The following BSN variants were observed in gnomAD, a reference collection of about 807,000 sequenced individuals.
BSN encodes the protein bassoon presynaptic cytomatrix protein.
Under a neutral mutation model 264.8 loss-of-function variants are expected in BSN, and 57 were observed. That is an observed-to-expected ratio of 0.22 (90% CI 0.17 to 0.27). The LOEUF is 0.27. Ranked by LOEUF, BSN falls within the 10% of genes least tolerant of loss-of-function variation. The pLI is 1.00. For missense variants in BSN, 4,615 were observed against 5,232.5 expected (o/e 0.88, Z 3.64); for synonymous variants, 2,059 against 2,137.3 (o/e 0.96, Z 1.01).
At chr3:49,570,388 C>A (rs1277408323) in intron 1 of BSN, among the ~76,000 whole-genome samples, 2 of 152,182 alleles carry the variant, frequency 1.3e-5, no homozygotes, top group Admixed American at 1.3e-4. Context: ...TCCGCCCCTT[C>A]CTCCCCAGCT....
At chr3:49,631,998 A>ATACG (rs1325248986) in intron 2 of BSN, among the ~76,000 whole-genome samples, 4 of 152,226 alleles carry the variant, frequency 2.6e-5, no homozygotes. Context: ...ATAGAGTAGA[A>ATACG]TACGTAGCCC....
chr3:49,651,577 C>A lies in BSN; in HGVS notation c.2021C>A (p.Ser674Tyr). 6.2e-7 allele frequency: 1 copy of A among 1,602,684 alleles called. No individual in the cohort carries two copies. The highest frequency in any genetic ancestry group is 8.5e-7 in the Non-Finnish European group (1 of 1,173,344). ...LVGKPYSQDA[S>Y]RSPQSLSDTG... Reference sequence around the variant, plus strand: ...GGCAAGCCTTACTCTCAGGATGCGTCTCGGAGCCCACAGAGCCTCAGTGAC... The same window carrying A: ...GGCAAGCCTTACTCTCAGGATGCGTATCGGAGCCCACAGAGCCTCAGTGAC... Residue 674 changes from serine to tyrosine, a missense_variant, in exon 5 of 12, where the codon TCT becomes TAT. Ser to Tyr is a moderately radical substitution (Grantham distance 144, BLOSUM62 -2). This residue lies in a region of BSN where 1,197 missense variants were observed against 1,348.0 expected (regional missense o/e 0.89). Coordinates refer to ENST00000296452, the MANE Select transcript of BSN (RefSeq NM_003458.4). The surrounding 1 kb of genome is among the most constrained non-coding windows in gnomAD (Gnocchi z 5.4).
At chr3:49,599,061 C>T (rs1239049460) in intron 1 of BSN, among the ~76,000 whole-genome samples, 1 of 152,132 alleles carries the variant, frequency 6.6e-6, no homozygotes, top group Non-Finnish European at 1.5e-5. Context: ...TAGAGTCTTC[C>T]AGGCAGCTAA....
In BSN at chr3:49,655,021, GCAC is replaced by G. The variant is rs2052584227; in HGVS notation, c.5467_5469del (p.Thr1823del). 6.2e-7 allele frequency: 1 copy of G among 1,613,084 alleles called. No individual in the cohort carries two copies. Among genetic ancestry groups the G allele is most frequent in the South Asian group, 1.1e-5 (1 of 91,086 alleles). ...AGAGACGTTTTGATCACTCAGATGG[GCAC>G]CGCCCAGAGCATTGGCCTCAAGCCA... On this transcript the variant is annotated inframe_deletion, in exon 5 of 12. Coordinates refer to ENST00000296452, the MANE Select transcript of BSN (RefSeq NM_003458.4).
intron 5 of BSN, among the ~76,000 whole-genome samples, chr3:49,659,471 G>A (rs2052635989): frequency 6.6e-6 from 1 of 152,182 alleles, no homozygotes; most frequent in Middle Eastern, 3.2e-3. Context: ...ATGACATATG[G>A]TGGATGTAGG....
rs1296867618 is a variant in BSN at position 49,651,241 on chromosome 3, G to C, written c.1986+162G>C. 3 of 744,484 alleles carry C rather than the reference G, an allele frequency of 4.0e-6. No homozygotes were observed. Among genetic ancestry groups the C allele is most frequent in the Non-Finnish European group, 6.3e-6 (3 of 475,016 alleles). 46.1% of individuals were successfully genotyped at this position (744,484 alleles called of 1,614,324 possible). A position where few individuals can be genotyped will look rare whatever the true frequency, so the allele number is the denominator to read the frequency against. ...GAAGGAAAGTCTAGATGAGGTTCTG[G>C]CACGCTTGGAGACTGTGGGTTTTAC... On this transcript the variant is annotated intron_variant, in intron 4 of 11. Transcript: ENST00000296452. The surrounding 1 kb of genome is among the most constrained non-coding windows in gnomAD (Gnocchi z 5.4).
intron 1 of BSN, among the ~76,000 whole-genome samples, chr3:49,589,263 C>T (rs1205681889): frequency 2.0e-5 from 3 of 151,634 alleles, no homozygotes; most frequent in African/African-American, 7.3e-5. Context: ...TATAGTGTTG[C>T]TCAAGTTTTT....
At position 49,650,877 on chromosome 3, in the gene BSN, C is replaced by G. The variant is rs1388954080; in HGVS notation, c.1784C>G (p.Ala595Gly). Residue 595 changes from alanine to glycine, a missense_variant, in exon 4 of 12, where the codon GCT (alanine) becomes GGT (glycine). Coordinates refer to ENST00000296452, the MANE Select transcript of BSN (RefSeq NM_003458.4). ...KASPQAKPLR[A>G]SEPSKTPSSV... ...AGCCCCCAGGCCAAGCCCCTCAGGG[C>G]TTCTGAACCCAGCAAGACCCCAAGC... 6.2e-7 allele frequency: 1 copy of G among 1,614,218 alleles called. No individual in the cohort carries two copies. The highest frequency in any genetic ancestry group is 1.1e-5 in the South Asian group (1 of 91,080).
At position 49,642,380 on chromosome 3, in the gene BSN, C is replaced by T; in HGVS notation, c.746C>T (p.Pro249Leu). The change falls in exon 3 of 12, where the codon CCT (proline) becomes CTT (leucine). Residue 249 changes from proline to leucine, a missense_variant. Pro to Leu is a moderately conservative substitution (Grantham distance 98, BLOSUM62 -3). Transcript: ENST00000296452. This position sits in a 1 kb window ranked among gnomAD's most constrained non-coding sequence, Gnocchi z 7.0. Reference sequence around the variant, plus strand: ...CAGCTGCACTCCCCAGCCCTGTCTCCTGCCCACTCCCCGGCCAAACAGCCC... The same window carrying T: ...CAGCTGCACTCCCCAGCCCTGTCTCTTGCCCACTCCCCGGCCAAACAGCCC... The part of the protein sequence containing the change: ...QQQLHSPALS[P>L]AHSPAKQPLG... 1 of 1,600,128 alleles carries T rather than the reference C, an allele frequency of 6.2e-7. No individual in the cohort carries two copies. Among genetic ancestry groups the T allele is most frequent in the Non-Finnish European group, 8.5e-7 (1 of 1,173,304 alleles).
chr3:49,654,528 C>T lies in BSN; in HGVS notation c.4972C>T (p.Pro1658Ser). 1 of 1,610,850 alleles carries T rather than the reference C, an allele frequency of 6.2e-7. No individual in the cohort carries two copies. The highest frequency in any genetic ancestry group is 8.5e-7 in the Non-Finnish European group (1 of 1,178,448). The change falls in exon 5 of 12, where the codon CCC becomes TCC. Residue 1658 changes from proline to serine, a missense_variant. Coordinates refer to ENST00000296452, the MANE Select transcript of BSN (RefSeq NM_003458.4). This position sits in a 1 kb window ranked among gnomAD's most constrained non-coding sequence, Gnocchi z 4.1. ...VPGTSRVEPG[P>S]RTPGTAVVDL... is the part of the protein sequence containing the mutation. The stretch of plus-strand genomic sequence containing the variant: ...TGGGACGTCTAGGGTTGAGCCAGGC[C>T]CCAGGACCCCTGGCACTGCAGTGGT...
intron 1 of BSN, among the ~76,000 whole-genome samples, chr3:49,565,113 T>A (rs952527560): frequency 6.8e-6 from 1 of 147,762 alleles, no homozygotes; most frequent in Non-Finnish European, 1.5e-5. Context: ...TCTATATTCC[T>A]CCACTTTTTT....
chr3:49,569,223 T>C (rs1332949181), intron 1 of BSN, among the ~76,000 whole-genome samples: 1 of 151,984 alleles, frequency 6.6e-6, no homozygotes, highest in Non-Finnish European at 1.5e-5. Context: ...CAAGTCTGGG[T>C]TGGAAAAATA....
intron 1 of BSN, among the ~76,000 whole-genome samples, chr3:49,562,020 C>T (rs911158223): frequency 6.6e-6 from 1 of 152,070 alleles, no homozygotes. Flanking sequence ...GTTAGCCAGG[C>T]TGGTCTTGAA....
chr3:49,646,421 A>C (rs1198144236), intron 3 of BSN, among the ~76,000 whole-genome samples: 4 of 152,166 alleles, frequency 2.6e-5, no homozygotes, highest in African/African-American at 9.7e-5. Flanking sequence ...TGCCCTTGAG[A>C]AGTCGGGCCT....
rs2051896655 is a variant in BSN at position 49,581,752 on chromosome 3, A to T, written c.224+26926A>T. ...GGCAGGAGAATTGCTTGAACCCAGG[A>T]GGCAGAGGTTGCAGTGAGCCGAAAT... On this transcript the variant is annotated intron_variant, in intron 1 of 11. Transcript: ENST00000296452. Among the ~76,000 whole-genome samples, 3 of 152,258 alleles carry T rather than the reference A, an allele frequency of 2.0e-5. No homozygotes were observed. The East Asian group carries it at 5.8e-4, about 29-fold the overall frequency.
At chr3:49,556,905 G>A (rs1281547389) in intron 1 of BSN, among the ~76,000 whole-genome samples, 1 of 152,242 alleles carries the variant, frequency 6.6e-6, no homozygotes, top group Non-Finnish European at 1.5e-5. Context: ...TTTCGGGGCA[G>A]TCAGAAACCT....
At chr3:49,589,696 G>A (rs942696813) in intron 1 of BSN, among the ~76,000 whole-genome samples, 2 of 150,858 alleles carry the variant, frequency 1.3e-5, no homozygotes, top group African/African-American at 4.9e-5. Flanking sequence ...TAGTAGAGAC[G>A]GTGTTTCACC....
rs763322916 is a variant in BSN, at chr3:49,662,417, C to G, written c.10572C>G (p.Gly3524=). The change falls in exon 6 of 12, where the codon GGC becomes GGG. Residue 3524 remains glycine, a synonymous_variant. Transcript: ENST00000296452. ...PRPAGGPLPP[G]GDTCPQFCSS... is the part of the protein sequence containing the mutation. ...CTGCCGGAGGGCCCCTCCCTCCCGGCGGGGATACCTGCCCACAGTTCTGCT... is the reference window on the plus strand; with the variant it reads ...CTGCCGGAGGGCCCCTCCCTCCCGGGGGGGATACCTGCCCACAGTTCTGCT... 4.3e-6 allele frequency: 7 copies of G among 1,613,322 alleles called. No individual in the cohort carries two copies. The African/African-American group carries it at 8.0e-5, about 18-fold the overall frequency.
intron 1 of BSN, among the ~76,000 whole-genome samples, chr3:49,564,257 C>T (rs1356096157): frequency 6.6e-6 from 1 of 152,172 alleles, no homozygotes; most frequent in Non-Finnish European, 1.5e-5. Flanking sequence ...CCTTCCTACA[C>T]CTTTATGAGA....
Sources: gnomAD v4.1 joint callset for allele counts (sites outside exome capture counted in the v4.1 genomes callset) on GRCh38, gnomAD v4.1.1 for gene constraint, gnomAD v4.1.1 regional missense constraint, Gnocchi (gnomAD v3.1) non-coding constraint, MANE v1.5 for transcripts, NCBI Gene and HGNC (gene_info 2026-07-23, HGNC 2026-07-21) for gene names.